Variants in CACNA1D observed in about 807,000 individuals in gnomAD.
The protein encoded by CACNA1D is voltage-dependent L-type calcium channel subunit alpha-1D.
A neutral mutation model predicts 257.1 loss-of-function variants in CACNA1D; 55 were observed. The ratio of observed to expected loss-of-function variants is 0.21; its 90% CI spans 0.17 to 0.27. The LOEUF is 0.27. Among genes scored for constraint, CACNA1D ranks in the 10% least tolerant of loss-of-function variants. The pLI is 1.00. For missense variants in CACNA1D, 1,876 were observed against 2,784.0 expected (o/e 0.67, Z 7.34); for synonymous variants, 980 against 1,014.9 (o/e 0.97, Z 0.65).
Position 53,598,862 on chromosome 3 carries a change from T to C in CACNA1D, c.484-51917T>C, listed in dbSNP as rs374513224. 2.0e-5 allele frequency among the ~76,000 whole-genome samples: 3 copies of C among 152,244 alleles called. No homozygotes were observed. The South Asian group carries it at 6.2e-4, about 31-fold the overall frequency. On this transcript the variant is annotated intron_variant, in intron 3 of 47. Coordinates refer to ENST00000350061, the MANE Select transcript of CACNA1D (RefSeq NM_001128840.3). ...CTGGGTCTTGACATGGCTCTGCAAC[T>C]GTCCATGTCATCTTGGAAGATCTTT...
At chr3:53,742,868 C>T in intron 21 of CACNA1D, 143 bp from the exon 22 acceptor site, 1 of 693,012 alleles carries the variant, frequency 1.4e-6, no homozygotes, top group Non-Finnish European at 2.6e-6. Context: ...TATCCTGTGG[C>T]TCAACCCCGT....
chr3:53,509,570 C>T (rs774136611), intron 3 of CACNA1D, among the ~76,000 whole-genome samples: 6 of 152,068 alleles, frequency 3.9e-5, no homozygotes, highest in African/African-American at 7.2e-5. Context: ...AATGAGTGAA[C>T]GCGAGGTGAG....
rs116343334 is a variant in CACNA1D, at chr3:53,620,631, A to G, written c.484-30148A>G. Among the ~76,000 whole-genome samples, 360 of 152,342 alleles carry G rather than the reference A, an allele frequency of 2.4e-3. 2 individuals are homozygous for G. Among genetic ancestry groups the G allele is most frequent in the African/African-American group, 8.2e-3 (340 of 41,586 alleles). Reference sequence around the variant, plus strand: ...AGCAGAACTCACAGAAGAAAGCCCAAAGGAACAAAATTTGTACTTTCATGA... The same window carrying G: ...AGCAGAACTCACAGAAGAAAGCCCAGAGGAACAAAATTTGTACTTTCATGA... On this transcript the variant is annotated intron_variant, in intron 3 of 47. Transcript: ENST00000350061.
At position 53,812,729 on chromosome 3, in the gene CACNA1D, T is replaced by A. The variant is rs991795021; in HGVS notation, c.*1323T>A. Reference sequence around the variant, plus strand: ...CAGAAATGCATAGGTGGATGAGATATAGCTGCTCTTGTCCTCTGGGGACTG... The same window carrying A: ...CAGAAATGCATAGGTGGATGAGATAAAGCTGCTCTTGTCCTCTGGGGACTG... On this transcript the variant is annotated 3_prime_UTR_variant, in exon 48 of 48. Coordinates refer to ENST00000350061, the MANE Select transcript of CACNA1D (RefSeq NM_001128840.3). 6.6e-6 allele frequency: 1 copy of A among 152,262 alleles called. No homozygotes were observed. Among genetic ancestry groups the A allele is most frequent in the African/African-American group, 2.4e-5 (1 of 41,452 alleles). 9.4% of individuals were successfully genotyped at this position (152,262 alleles called of 1,614,324 possible). A position where few individuals can be genotyped will look rare whatever the true frequency, so the allele number is the denominator to read the frequency against.
At chr3:53,582,985 C>T (rs907675657) in intron 3 of CACNA1D, among the ~76,000 whole-genome samples, 2 of 151,768 alleles carry the variant, frequency 1.3e-5, no homozygotes, top group Admixed American at 1.3e-4. Context: ...ATTTTAAAAC[C>T]ATATTTAAAA....
chr3:53,659,974 T>A (rs2094187338), intron 4 of CACNA1D, among the ~76,000 whole-genome samples, 159 bp from the exon 5 acceptor site: 1 of 152,242 alleles, frequency 6.6e-6, no homozygotes, highest in Admixed American at 6.5e-5. Flanking sequence ...GCGTCGTTTG[T>A]ATTCCAATTC....
At chr3:53,796,078 C>T (rs1422561145) in intron 40 of CACNA1D, 11 of 253,254 alleles carry the variant, frequency 4.3e-5, no homozygotes, top group Admixed American at 1.8e-4. Flanking sequence ...GCTGAGGAGG[C>T]GGACGGCAGC....
chr3:53,616,753 C>A (rs1023719437), intron 3 of CACNA1D, among the ~76,000 whole-genome samples: 21 of 152,070 alleles, frequency 1.4e-4, no homozygotes, highest in African/African-American at 5.1e-4. Flanking sequence ...GAGGCAGGAG[C>A]CTGAAACTCA....
At chr3:53,696,532 G>A (rs547151171) in intron 8 of CACNA1D, among the ~76,000 whole-genome samples, 1 of 152,330 alleles carries the variant, frequency 6.6e-6, no homozygotes, top group Non-Finnish European at 1.5e-5. Context: ...GCCACCCAGG[G>A]TAGGGGACAC....
chr3:53,623,841 G>A (rs2108059310), intron 3 of CACNA1D, among the ~76,000 whole-genome samples: 1 of 152,268 alleles, frequency 6.6e-6, no homozygotes, highest in East Asian at 1.9e-4. Flanking sequence ...TGAGTGCTTG[G>A]AGCCGCTTTA....
intron 3 of CACNA1D, among the ~76,000 whole-genome samples, chr3:53,530,624 CTG>C (rs1001599253): frequency 2.6e-5 from 4 of 152,204 alleles, no homozygotes; most frequent in Admixed American, 6.5e-5. Flanking sequence ...CCCCTCCCCA[CTG>C]TTGTCACCAC....
chr3:53,565,637 A>G (rs2092820843), intron 3 of CACNA1D, among the ~76,000 whole-genome samples: 1 of 152,174 alleles, frequency 6.6e-6, no homozygotes, highest in African/African-American at 2.4e-5. Flanking sequence ...ATACTGAGGA[A>G]CTTCAAAAGG....
chr3:53,757,867 C>T (rs940042244), intron 29 of CACNA1D, among the ~76,000 whole-genome samples: 1 of 152,224 alleles, frequency 6.6e-6, no homozygotes, highest in Non-Finnish European at 1.5e-5. Context: ...AGAGCCAGCC[C>T]TGTCCTCTGC....
At chr3:53,772,258 T>TC (rs1398584992) in intron 32 of CACNA1D, among the ~76,000 whole-genome samples, 1 of 152,150 alleles carries the variant, frequency 6.6e-6, no homozygotes, top group Non-Finnish European at 1.5e-5. Flanking sequence ...GGTGTACATC[T>TC]TAAGAGAGGT....
At chr3:53,627,918 C>T (rs2093778328) in intron 3 of CACNA1D, among the ~76,000 whole-genome samples, 1 of 152,074 alleles carries the variant, frequency 6.6e-6, no homozygotes, top group African/African-American at 2.4e-5. Flanking sequence ...GAGGCAGAGG[C>T]TGAGGTAGGA....
intron 45 of CACNA1D, among the ~76,000 whole-genome samples, chr3:53,805,725 C>T (rs1053672392): frequency 6.8e-5 from 10 of 147,062 alleles, no homozygotes; most frequent in African/African-American, 2.5e-4. Context: ...CCTCCTCCTC[C>T]ATCTTCCCTC....
chr3:53,628,306 G>A (rs2093782929), intron 3 of CACNA1D, among the ~76,000 whole-genome samples: 1 of 152,130 alleles, frequency 6.6e-6, no homozygotes, highest in Admixed American at 6.5e-5. Context: ...TCTTGTGGAA[G>A]GACAGATGTT....
At chr3:53,689,485 G>GGGGCTGC (rs2094501240) in intron 8 of CACNA1D, among the ~76,000 whole-genome samples, 1 of 152,004 alleles carries the variant, frequency 6.6e-6, no homozygotes, top group African/African-American at 2.4e-5. Flanking sequence ...CTGGGGGCTG[G>GGGGCTGC]GGGCTGCAGG....
rs1264808508 is a variant in CACNA1D at position 53,812,639 on chromosome 3, C to T, written c.*1233C>T. 1 of 152,154 alleles carries T rather than the reference C, an allele frequency of 6.6e-6. No homozygotes were observed. Among genetic ancestry groups the T allele is most frequent in the African/African-American group, 2.4e-5 (1 of 41,424 alleles). 9.4% of individuals were successfully genotyped at this position (152,154 alleles called of 1,614,324 possible). A position where few individuals can be genotyped will look rare whatever the true frequency, so the allele number is the denominator to read the frequency against. ...AGCAGGTCCAGCTGGCTGCTCTGCC[C>T]CTTGGGTATCCATAGTTACGGTTTT... On this transcript the variant is annotated 3_prime_UTR_variant, in exon 48 of 48. Transcript: ENST00000350061.
Sources: gnomAD v4.1 joint callset for allele counts (sites outside exome capture counted in the v4.1 genomes callset) on GRCh38, gnomAD v4.1.1 for gene constraint, MANE v1.5 for transcripts, NCBI Gene and HGNC (gene_info 2026-07-23, HGNC 2026-07-21) for gene names.